The following EFCAB13 variants were observed in gnomAD, a reference collection of about 807,000 sequenced individuals.
EFCAB13 encodes the protein EF-hand calcium-binding domain-containing protein 13.
In EFCAB13, 91 loss-of-function variants were observed where a neutral mutation model predicts 110.2. That is an observed-to-expected ratio of 0.83 (90% confidence interval 0.70 to 0.98). The LOEUF (loss-of-function observed/expected upper bound fraction) is 0.98, where lower values mean the gene tolerates loss of function less well. EFCAB13 is among the 50% of genes least tolerant of loss of function. EFCAB13 has a pLI of 0.00. For missense variants in EFCAB13, 968 were observed against 1,119.4 expected (o/e 0.86, Z 1.93); for synonymous variants, 323 against 369.9 (o/e 0.87, Z 1.45).
At chr17:47,423,682 T>G (rs2143501556) in intron 23 of EFCAB13, among the ~76,000 whole-genome samples, 1 of 150,892 alleles carries the variant, frequency 6.6e-6, no homozygotes, top group Non-Finnish European at 1.5e-5. Context: ...CCGCACGACG[T>G]GTCACCCCGG....
In EFCAB13 at chr17:47,404,589, G is replaced by A. The variant is rs201870751; in HGVS notation, c.2189G>A (p.Cys730Tyr). The change falls in exon 20 of 25, where the codon TGT (cysteine) becomes TAT (tyrosine). Residue 730 changes from cysteine to tyrosine, a missense_variant. Physicochemically the swap from Cys to Tyr is radical, Grantham distance 194. Transcript: ENST00000331493. ...GATAACATGGTGAACATTAAAGACT[G>A]TATGAGGGCTTTGAGGGACACCCAG... ...SEDNMVNIKD[C>Y]MRALRDTQKF... 7 of 1,612,796 alleles carry A rather than the reference G, an allele frequency of 4.3e-6. No individual in the cohort carries two copies. Among genetic ancestry groups the A allele is most frequent in the Non-Finnish European group, 5.1e-6 (6 of 1,179,280 alleles).
chr17:47,344,027 C>A, intron 6 of EFCAB13, 135 bp from the exon 7 acceptor site: 1 of 995,374 alleles, frequency 1.0e-6, no homozygotes, highest in Non-Finnish European at 1.4e-6. Flanking sequence ...TTACAAAAGG[C>A]AATTTTACAC....
chr17:47,350,872 C>T (rs1172267187), intron 9 of EFCAB13, among the ~76,000 whole-genome samples: 1 of 151,974 alleles, frequency 6.6e-6, no homozygotes, highest in Non-Finnish European at 1.5e-5. Context: ...CTCCATTAGG[C>T]GATATCAAGT....
chr17:47,437,124 G>T (rs916340688), intron 24 of EFCAB13, among the ~76,000 whole-genome samples: 1 of 152,042 alleles, frequency 6.6e-6, no homozygotes, highest in Non-Finnish European at 1.5e-5. Flanking sequence ...GCCAGAGAGA[G>T]TGCTTGATAT....
intron 14 of EFCAB13, among the ~76,000 whole-genome samples, chr17:47,380,123 C>G (rs1054319322): frequency 6.6e-6 from 1 of 152,164 alleles, no homozygotes; most frequent in African/African-American, 2.4e-5. Flanking sequence ...GATACATGTG[C>G]AGAACGTGCA....
At chr17:47,395,288 T>C (rs1011077949) in intron 16 of EFCAB13, among the ~76,000 whole-genome samples, 1 of 152,202 alleles carries the variant, frequency 6.6e-6, no homozygotes, top group Non-Finnish European at 1.5e-5. Flanking sequence ...GTCACTAATA[T>C]CTGCTGGCTC....
At chr17:47,394,555 G>A (rs1255337937) in intron 16 of EFCAB13, among the ~76,000 whole-genome samples, 2 of 152,036 alleles carry the variant, frequency 1.3e-5, no homozygotes, top group Admixed American at 1.3e-4. Context: ...CTGTAAGTGT[G>A]GTAATATGGA....
At chr17:47,390,044 A>G (rs188517657) in intron 14 of EFCAB13, among the ~76,000 whole-genome samples, 2 of 152,354 alleles carry the variant, frequency 1.3e-5, no homozygotes, top group East Asian at 3.9e-4. Flanking sequence ...TTGTTTGTTT[A>G]GAAAGCCATA....
chr17:47,390,078 G>A (rs988812877), intron 14 of EFCAB13, among the ~76,000 whole-genome samples: 2 of 152,108 alleles, frequency 1.3e-5, no homozygotes, highest in Non-Finnish European at 2.9e-5. Context: ...ACTACTTAAA[G>A]TTTATACCTG....
intron 9 of EFCAB13, among the ~76,000 whole-genome samples, chr17:47,355,570 ATTTTT>A (rs71365066): frequency 8.3e-6 from 1 of 120,344 alleles, no homozygotes. Flanking sequence ...GGCTTTGTTC[ATTTTT>A]TTTTTTTTTT....
At chr17:47,370,564 T>C in intron 11 of EFCAB13, 56 bp downstream of exon 11, 1 of 1,156,722 alleles carries the variant, frequency 8.6e-7, no homozygotes, top group Non-Finnish European at 1.3e-6. Context: ...GTCTTTACAT[T>C]AAATCTTAAT....
chr17:47,405,847 T>C (rs1247842084), intron 20 of EFCAB13, among the ~76,000 whole-genome samples: 2 of 151,798 alleles, frequency 1.3e-5, no homozygotes, highest in Non-Finnish European at 2.9e-5. Flanking sequence ...GTAAGTCCTT[T>C]ATATTGTTCC....
At chr17:47,362,600 C>T (rs971754519) in intron 10 of EFCAB13, among the ~76,000 whole-genome samples, 8 of 152,210 alleles carry the variant, frequency 5.3e-5, no homozygotes, top group African/African-American at 1.9e-4. Context: ...CGCAGTTATC[C>T]GGAGGCCTAA....
intron 23 of EFCAB13, among the ~76,000 whole-genome samples, chr17:47,420,798 C>T (rs1356097371): frequency 6.6e-6 from 1 of 152,226 alleles, no homozygotes; most frequent in East Asian, 1.9e-4. Flanking sequence ...TGGCAGCCAC[C>T]CCATCCGGGA....
chr17:47,334,965 A>T lies in EFCAB13; in HGVS notation c.31-231A>T, dbSNP rs147359465. The stretch of plus-strand genomic sequence containing the variant: ...TAACTGTTAGACATATTCATAAATG[A>T]TGTTCTTTTATAGCTGTATAATGCA... On this transcript the variant is annotated intron_variant, in intron 4 of 24. Coordinates refer to ENST00000331493, the MANE Select transcript of EFCAB13 (RefSeq NM_152347.5). 8.9e-3 allele frequency among the ~76,000 whole-genome samples: 1,359 copies of T among 152,310 alleles called. 13 individuals are homozygous for T. Among genetic ancestry groups the T allele is most frequent in the Non-Finnish European group, 0.014 (972 of 68,016 alleles).
chr17:47,383,209 G>C (rs2065656530), intron 14 of EFCAB13, among the ~76,000 whole-genome samples: 1 of 151,608 alleles, frequency 6.6e-6, no homozygotes, highest in Non-Finnish European at 1.5e-5. Context: ...AGTCTATTTT[G>C]TTAATCATTT....
chr17:47,352,153 C>G (rs779196172), intron 9 of EFCAB13, among the ~76,000 whole-genome samples: 4 of 151,864 alleles, frequency 2.6e-5, no homozygotes, highest in Non-Finnish European at 4.4e-5. Context: ...CCTCCCACCT[C>G]GGCCTCCCAA....
At chr17:47,433,695 T>TGG (rs1905160667) in intron 24 of EFCAB13, among the ~76,000 whole-genome samples, 1 of 152,164 alleles carries the variant, frequency 6.6e-6, no homozygotes, top group Non-Finnish European at 1.5e-5. Context: ...TTGAAATTCT[T>TGG]CGGCAGGGAC....
At chr17:47,346,822 G>A (rs2065419660) in intron 8 of EFCAB13, among the ~76,000 whole-genome samples, 1 of 152,114 alleles carries the variant, frequency 6.6e-6, no homozygotes. Flanking sequence ...TTTCAGAGAA[G>A]CCTTTTGAAG....
Sources: allele counts gnomAD v4.1 joint callset (sites outside exome capture counted in the v4.1 genomes callset), GRCh38; gene constraint gnomAD v4.1.1; transcripts MANE v1.5; gene names NCBI Gene and HGNC (gene_info 2026-07-23, HGNC 2026-07-21).